C12orf43: variants seen among roughly 807,000 people sequenced by gnomAD.
The protein encoded by C12orf43 is chromosome 12 open reading frame 43.
In C12orf43, 15 loss-of-function variants were observed where a neutral mutation model predicts 20.6. That is an observed-to-expected ratio of 0.73 (90% CI 0.49 to 1.12). The LOEUF (loss-of-function observed/expected upper bound fraction) is 1.12, where lower values mean the gene tolerates loss of function less well. C12orf43 is among the 50% of genes most tolerant of loss of function. The pLI, the probability that C12orf43 is intolerant of heterozygous loss-of-function variation, is 0.00. For missense variants in C12orf43, 334 were observed against 344.4 expected (o/e 0.97, Z 0.24); for synonymous variants, 144 against 130.8 (o/e 1.10, Z -0.69).
At chr12:121,011,511 T>C (rs1878471747) in intron 1 of C12orf43, among the ~76,000 whole-genome samples, 1 of 150,790 alleles carries the variant, frequency 6.6e-6, no homozygotes, top group Admixed American at 6.6e-5. Context: ...AAAATAGTTA[T>C]ATATGTAACT....
intron 1 of C12orf43, 103 bp from the exon 2 acceptor site, chr12:121,011,249 A>C: frequency 3.6e-6 from 3 of 823,232 alleles, no homozygotes; most frequent in Non-Finnish European, 6.1e-6. Context: ...CATATAACTC[A>C]TATATATACA....
intron 1 of C12orf43, among the ~76,000 whole-genome samples, chr12:121,011,615 GAT>G (rs1374772242): frequency 1.3e-5 from 2 of 152,170 alleles, no homozygotes; most frequent in African/African-American, 4.8e-5. Context: ...AAACGTCAAA[GAT>G]ATGTAAAATA....
chr12:121,005,227 CAAAA>C lies in C12orf43; in HGVS notation c.362-138_362-135del, dbSNP rs1056397271. The C allele has an allele frequency of 3.2e-5, 14 of 439,276 alleles. No homozygotes were observed. Among genetic ancestry groups the C allele is most frequent in the Middle Eastern group, 1.3e-3 (2 of 1,574 alleles). The allele number at this position is 439,276 out of a possible 1,614,324, so 27.2% of individuals were successfully genotyped here. A position where few individuals can be genotyped will look rare whatever the true frequency, so the allele number is the denominator to read the frequency against. On this transcript the variant is annotated intron_variant, in intron 4 of 5. Coordinates refer to ENST00000288757, the MANE Select transcript of C12orf43 (RefSeq NM_022895.3). This position sits in a 1 kb window ranked among gnomAD's most constrained non-coding sequence, Gnocchi z 5.6. ...GAAAGAAAGAAAAGATAAAGAGAAACAAAAAAAAAATTTTAAGAAGACACAAAAT... is the reference window on the plus strand; with the variant it reads ...GAAAGAAAGAAAAGATAAAGAGAAACAAAAAATTTTAAGAAGACACAAAAT...
intron 3 of C12orf43, 157 bp from the exon 4 acceptor site, chr12:121,006,551 G>T: frequency 1.5e-6 from 1 of 662,916 alleles, no homozygotes. Context: ...GTTATAACAT[G>T]CTGACCAGCC....
In C12orf43 at chr12:121,004,164, G is replaced by T. The variant is rs1877765393; in HGVS notation, c.778C>A (p.Pro260Thr). ...FPPAKSATAI[P>T]AN ...GCCCATGGCTGGGTTCAGTTTGCAG[G>T]TATAGCTGTAGCACTCTTTGCTGGT... Residue 260 changes from proline (P) to threonine (T), a missense_variant, in exon 6 of 6, where the codon CCT becomes ACT. Physicochemically the swap from Pro to Thr is conservative, Grantham distance 38 (BLOSUM62 -1). Coordinates refer to ENST00000288757, the MANE Select transcript of C12orf43 (RefSeq NM_022895.3). The surrounding 1 kb of genome is among the most constrained non-coding windows in gnomAD (Gnocchi z 5.6). 7.4e-6 allele frequency: 12 copies of T among 1,614,100 alleles called. No homozygotes were observed. In the East Asian group the frequency reaches 2.7e-4, roughly 36 times the overall value.
chr12:121,008,426 C>T (rs1016220807), intron 3 of C12orf43, among the ~76,000 whole-genome samples: 6 of 152,194 alleles, frequency 3.9e-5, no homozygotes, highest in Non-Finnish European at 8.8e-5. Flanking sequence ...TGAGCTGCCA[C>T]GCCTGGCCTA....
intron 4 of C12orf43, 96 bp downstream of exon 4, chr12:121,006,225 A>G: frequency 3.6e-6 from 4 of 1,109,616 alleles, no homozygotes; most frequent in Non-Finnish European, 5.2e-6. Flanking sequence ...CAAAAAAAGA[A>G]AAAAAAAAAA....
Position 121,006,217 on chromosome 12 carries a change from AAAAAAG to A in C12orf43, c.361+98_361+103del, listed in dbSNP as rs1878003833. 1,292 of 950,800 alleles carry A rather than the reference AAAAAAG, an allele frequency of 1.4e-3. 1 individual carries two copies. The highest frequency in any genetic ancestry group is 3.6e-3 in the South Asian group (199 of 56,024). The allele number at this position is 950,800 out of a possible 1,614,324, so 58.9% of individuals were successfully genotyped here. A position where few individuals can be genotyped will look rare whatever the true frequency, so the allele number is the denominator to read the frequency against. On this transcript the variant is annotated intron_variant, in intron 4 of 5. Coordinates refer to ENST00000288757, the MANE Select transcript of C12orf43 (RefSeq NM_022895.3). Reference sequence around the variant, plus strand: ...GGTGGCAGAGAGAGTTCCTATCTCAAAAAAAGAAAAAAAAAAAAGAATATACCAAAA... The same window carrying A: ...GGTGGCAGAGAGAGTTCCTATCTCAAAAAAAAAAAAAAGAATATACCAAAA...
At chr12:121,008,836 C>A (rs1362824901) in intron 3 of C12orf43, among the ~76,000 whole-genome samples, 1 of 152,224 alleles carries the variant, frequency 6.6e-6, no homozygotes, top group Non-Finnish European at 1.5e-5. Flanking sequence ...CTCTGCCAGT[C>A]AGGAACAGAT....
rs1592900510 is a variant in C12orf43 at position 121,001,026 on chromosome 12, T to A, written c.*3127A>T. The A allele has an allele frequency of 1.2e-6, 2 of 1,610,410 alleles. No individual in the cohort carries two copies. On this transcript the variant is annotated 3_prime_UTR_variant, in exon 6 of 6. Transcript: ENST00000288757. ...GACAGGCAGGTGGGGTGGGTGTGGG[T>A]GCCTGGTGGGTGGCTAGCAGCCTTG...
At chr12:121,012,496 C>G (rs1028166978) in intron 1 of C12orf43, 1 of 702,392 alleles carries the variant, frequency 1.4e-6, no homozygotes, top group East Asian at 2.7e-5. Flanking sequence ...GGCAGGAACA[C>G]GGAGTCTGCT....
At position 121,004,467 on chromosome 12, in the gene C12orf43, G is replaced by A. The variant is rs758998918; in HGVS notation, c.475C>T (p.Arg159Trp). 3.1e-6 allele frequency: 5 copies of A among 1,607,872 alleles called. No individual in the cohort carries two copies. Among genetic ancestry groups the A allele is most frequent in the African/African-American group, 2.7e-5 (2 of 74,852 alleles). Residue 159 changes from arginine (R) to tryptophan (W), a missense_variant, in exon 6 of 6, where the codon CGG (arginine) becomes TGG (tryptophan). Physicochemically the swap from Arg to Trp is moderately radical, Grantham distance 101 (BLOSUM62 -3). Transcript: ENST00000288757. This position sits in a 1 kb window ranked among gnomAD's most constrained non-coding sequence, Gnocchi z 5.6. ...GACACAGCTGCCTCCCGGCACCGCCGCCACTCCTCGTCACTGTCCTCACTG... is the reference window on the plus strand; with the variant it reads ...GACACAGCTGCCTCCCGGCACCGCCACCACTCCTCGTCACTGTCCTCACTG... ...SSSEDSDEEW[R>W]RCREAAVSAS...
chr12:121,002,077 C>G lies in C12orf43; in HGVS notation c.*2076G>C. ...GTCTCGAGCGCCCTGCAGACCCTGC[C>G]CTTGTTTGGGGCAGGAGTAGCTGAG... On this transcript the variant is annotated 3_prime_UTR_variant, in exon 6 of 6. Transcript: ENST00000288757. The G allele has an allele frequency of 1.9e-6, 1 of 536,362 alleles. No homozygotes were observed. The highest frequency in any genetic ancestry group is 1.5e-5 in the South Asian group (1 of 65,186). 33.2% of individuals were successfully genotyped at this position (536,362 alleles called of 1,614,324 possible).
At position 121,001,778 on chromosome 12, in the gene C12orf43, G is replaced by C. The variant is rs1302939106; in HGVS notation, c.*2375C>G. ...TTTCCTGGGTGGCTACTCTGTGCCA[G>C]AGCCTGGGGCTCTAACGCCTGAGCC... On this transcript the variant is annotated 3_prime_UTR_variant, in exon 6 of 6. Transcript: ENST00000288757. 3.7e-6 allele frequency: 2 copies of C among 536,144 alleles called. No homozygotes were observed. The highest frequency in any genetic ancestry group is 3.7e-5 in the African/African-American group (2 of 53,960). The allele number at this position is 536,144 out of a possible 1,614,324, so 33.2% of individuals were successfully genotyped here. A position where few individuals can be genotyped will look rare whatever the true frequency, so the allele number is the denominator to read the frequency against.
intron 1 of C12orf43, among the ~76,000 whole-genome samples, chr12:121,015,601 T>G (rs549690649): frequency 1.3e-5 from 2 of 152,294 alleles, no homozygotes; most frequent in Admixed American, 1.3e-4. Context: ...AAAATTAGAG[T>G]GGCACATTTT....
In C12orf43 at chr12:121,016,442, C is replaced by G. The variant is rs376451292; in HGVS notation, c.33G>C (p.Ser11=). ...CATCGCTACTGCTGTTACTACTTTC[C>G]GAATCGCTCACTGTGCCACTGGGCG... MAAPSGTVSD[S]ESSNSSSDAE... The change falls in exon 1 of 6, where the codon TCG becomes TCC. Residue 11 remains serine, a synonymous_variant. Transcript: ENST00000288757. 15 of 1,613,976 alleles carry G rather than the reference C, an allele frequency of 9.3e-6. No individual in the cohort carries two copies. In the African/African-American group the frequency reaches 2.0e-4, roughly 22 times the overall value.
chr12:121,012,849 T>TAAAAA lies in C12orf43; in HGVS notation c.146-1708_146-1704dup, dbSNP rs10636003. Among the ~76,000 whole-genome samples the TAAAAA allele has an allele frequency of 1.0e-3, 96 of 91,956 alleles. 4 individuals carry two copies. The highest frequency in any genetic ancestry group is 4.4e-3 in the Middle Eastern group (1 of 228). 60.3% of individuals were successfully genotyped at this position (91,956 alleles called of 152,430 possible). On this transcript the variant is annotated intron_variant, in intron 1 of 5. Transcript: ENST00000288757. The stretch of plus-strand genomic sequence containing the variant: ...CCTGGTGACAGAGCAAGACTCCGTC[T>TAAAAA]AAAAAAAAAAAAAAAAAAAAAAAAA...
rs1877795871 is a variant in C12orf43, at chr12:121,004,329, A to C, written c.613T>G (p.Ser205Ala). The change falls in exon 6 of 6, where the codon TCG becomes GCG. Residue 205 changes from serine (S) to alanine (A), a missense_variant. By Grantham distance (99) the Ser-to-Ala change is moderately conservative. Transcript: ENST00000288757. This position sits in a 1 kb window ranked among gnomAD's most constrained non-coding sequence, Gnocchi z 5.6. Reference sequence around the variant, plus strand: ...GTGGGGGTGGTGGCAGCGACAGCCGAGTCGACACTGGCCACCTTCTTGGCT... The same window carrying C: ...GTGGGGGTGGTGGCAGCGACAGCCGCGTCGACACTGGCCACCTTCTTGGCT... The part of the protein sequence containing the change: ...KKAKKVASVD[S>A]AVAATTPTSM... 1 of 1,613,846 alleles carries C rather than the reference A, an allele frequency of 6.2e-7. No homozygotes were observed. Among genetic ancestry groups the C allele is most frequent in the Admixed American group, 1.7e-5 (1 of 59,988 alleles).
chr12:121,012,620 A>G, intron 1 of C12orf43: 2 of 585,442 alleles, frequency 3.4e-6, no homozygotes, highest in Non-Finnish European at 6.3e-6. Context: ...TGGGAGGCTG[A>G]GGCAGGCGGA....
Sources: gnomAD v4.1 joint callset for allele counts (sites outside exome capture counted in the v4.1 genomes callset) on GRCh38, gnomAD v4.1.1 for gene constraint, Gnocchi (gnomAD v3.1) non-coding constraint, MANE v1.5 for transcripts, NCBI Gene and HGNC (gene_info 2026-07-23, HGNC 2026-07-21) for gene names.